The following PGM1 variants were observed in gnomAD, a reference collection of about 807,000 sequenced individuals.
PGM1 encodes the protein phosphoglucomutase-1.
A neutral mutation model predicts 55.6 loss-of-function variants in PGM1; 52 were observed. The ratio of observed to expected loss-of-function variants is 0.94; its 90% confidence interval spans 0.75 to 1.18. The LOEUF (loss-of-function observed/expected upper bound fraction) is 1.18, where lower values mean the gene tolerates loss of function less well. PGM1 is among the 50% of genes most tolerant of loss of function. PGM1 has a pLI of 0.00. For missense variants in PGM1, 724 were observed against 729.3 expected (o/e 0.99, Z 0.08); for synonymous variants, 287 against 271.7 (o/e 1.06, Z -0.55).
chr1:63,617,916 G>A (rs1271687206), intron 1 of PGM1, among the ~76,000 whole-genome samples: 1 of 151,342 alleles, frequency 6.6e-6, no homozygotes, highest in Non-Finnish European at 1.5e-5. Flanking sequence ...AAGCACCTAT[G>A]AATATTTCAA....
intron 1 of PGM1, among the ~76,000 whole-genome samples, chr1:63,603,414 A>G (rs189665571): frequency 8.5e-5 from 13 of 152,336 alleles, no homozygotes; most frequent in Non-Finnish European, 1.5e-5. Context: ...TGTAAGTCAG[A>G]GCTATTTTTC....
At chr1:63,634,670 CG>C (rs1474147195) in intron 4 of PGM1, among the ~76,000 whole-genome samples, 158 bp from the exon 5 acceptor site, 5 of 152,268 alleles carry the variant, frequency 3.3e-5, no homozygotes, top group Non-Finnish European at 7.4e-5. Context: ...TCCAGTCAGG[CG>C]TATCTCTCCA....
At chr1:63,651,896 T>A in intron 9 of PGM1, 44 bp downstream of exon 9, 1 of 1,535,350 alleles carries the variant, frequency 6.5e-7, no homozygotes. Context: ...ACCTCAGAGC[T>A]TCATCTCTGA....
chr1:63,607,101 C>T (rs574173927), intron 1 of PGM1, among the ~76,000 whole-genome samples: 15 of 152,328 alleles, frequency 9.8e-5, no homozygotes, highest in African/African-American at 3.4e-4. Context: ...AAAGAAACCC[C>T]TTACATTAGC....
At chr1:63,607,692 TTA>T (rs1648460034) in intron 1 of PGM1, among the ~76,000 whole-genome samples, 1 of 152,176 alleles carries the variant, frequency 6.6e-6, no homozygotes, top group South Asian at 2.1e-4. Flanking sequence ...ATATTTGAAC[TTA>T]TATATCCAAA....
rs571799965 is a variant in PGM1 at position 63,621,486 on chromosome 1, G to A, written c.247-7939G>A. ...ATTTTATAAATCTGGATCTATTATC[G>A]GATATGTCAAGACACACATGCCAGC... On this transcript the variant is annotated intron_variant, in intron 1 of 10. Transcript: ENST00000371084. Among the ~76,000 whole-genome samples, 42 of 152,174 alleles carry A rather than the reference G, an allele frequency of 2.8e-4. 2 individuals carry two copies. The South Asian group carries it at 6.4e-3, about 23-fold the overall frequency.
At chr1:63,626,618 G>GA (rs35219366) in intron 1 of PGM1, among the ~76,000 whole-genome samples, 87 of 150,372 alleles carry the variant, frequency 5.8e-4, no homozygotes, top group Admixed American at 7.9e-4. Context: ...GAAAAAAAAA[G>GA]AAAAAAAAAA....
In PGM1 at chr1:63,621,178, A is replaced by T. The variant is rs111454731; in HGVS notation, c.247-8247A>T. On this transcript the variant is annotated intron_variant, in intron 1 of 10. Coordinates refer to ENST00000371084, the MANE Select transcript of PGM1 (RefSeq NM_002633.3). ...TTATGTTCTTTTGGTATAGTTTTGC[A>T]TATTGACAAACACCATGCCTGGCAT... is the stretch of plus-strand genomic sequence containing the variant. Among the ~76,000 whole-genome samples, 867 of 152,214 alleles carry T rather than the reference A, an allele frequency of 5.7e-3. 5 individuals carry two copies. Among genetic ancestry groups the T allele is most frequent in the Non-Finnish European group, 9.2e-3 (624 of 68,014 alleles).
In PGM1 at chr1:63,632,403, C is replaced by CT. The variant is rs1649219935; in HGVS notation, c.682+624dup. ...CATACATCTGCCTGGTTGGAGAAGC[C>CT]TTTCTGCCTGCAACTGAACCCTTTT... On this transcript the variant is annotated intron_variant, in intron 4 of 10. Transcript: ENST00000371084. Among the ~76,000 whole-genome samples the CT allele has an allele frequency of 3.3e-5, 5 of 152,128 alleles. No individual in the cohort carries two copies. The South Asian group carries it at 1.0e-3, about 32-fold the overall frequency.
intron 1 of PGM1, among the ~76,000 whole-genome samples, chr1:63,610,138 A>C (rs1189504762): frequency 6.6e-6 from 1 of 152,246 alleles, no homozygotes; most frequent in Non-Finnish European, 1.5e-5. Context: ...ATTAATTCCA[A>C]TATATGCTAT....
intron 1 of PGM1, among the ~76,000 whole-genome samples, chr1:63,621,692 A>G (rs914320358): frequency 1.3e-5 from 2 of 152,252 alleles, no homozygotes; most frequent in South Asian, 4.1e-4. Flanking sequence ...TAAGAGCCCA[A>G]AATAAGCTAT....
chr1:63,627,482 G>C (rs1281700208), intron 1 of PGM1, among the ~76,000 whole-genome samples: 2 of 152,104 alleles, frequency 1.3e-5, no homozygotes, highest in Non-Finnish European at 2.9e-5. Context: ...TCCTGTATCA[G>C]ATCGAGAGCA....
At chr1:63,619,874 G>GA (rs1475822913) in intron 1 of PGM1, among the ~76,000 whole-genome samples, 2 of 151,820 alleles carry the variant, frequency 1.3e-5, no homozygotes, top group African/African-American at 4.8e-5. Flanking sequence ...CAGAATGTGA[G>GA]AAAAAAAATT....
chr1:63,642,601 C>T (rs751552968), intron 7 of PGM1, among the ~76,000 whole-genome samples: 22 of 152,148 alleles, frequency 1.4e-4, no homozygotes, highest in Non-Finnish European at 2.4e-4. Context: ...TGCATTTGAA[C>T]CCTTCCTCAG....
At chr1:63,623,563 C>G in intron 1 of PGM1, 1 of 1,612,754 alleles carries the variant, frequency 6.2e-7, no homozygotes, top group South Asian at 1.1e-5. Flanking sequence ...CGATCAGAAA[C>G]CAGGAACAAG....
At chr1:63,647,417 A>G (rs115728087) in intron 7 of PGM1, among the ~76,000 whole-genome samples, 5,947 of 147,978 alleles carry the variant, frequency 0.04, 391 homozygotes, top group African/African-American at 0.14. Context: ...GTTTTACACT[A>G]TAGAAATGCT....
chr1:63,593,759 G>T (rs766310348), intron 1 of PGM1, 25 bp downstream of exon 1: 32 of 1,570,588 alleles, frequency 2.0e-5, no homozygotes, highest in African/African-American at 1.4e-5. Flanking sequence ...GCCCCGCGCC[G>T]CTGTGCACCC....
Position 63,651,801 on chromosome 1 carries a change from C to T in PGM1, c.1413C>T (p.Ala471=), listed in dbSNP as rs372002881. ...ACAAAGTTTACACTGTGGAGAAGGC[C>T]GATAACTTTGAATACAGCGACCCAG... ...ANDKVYTVEK[A]DNFEYSDPVD... Residue 471 remains alanine, a synonymous_variant, in exon 9 of 11, where the codon GCC becomes GCT. Coordinates refer to ENST00000371084, the MANE Select transcript of PGM1 (RefSeq NM_002633.3). 21 of 1,613,736 alleles carry T rather than the reference C, an allele frequency of 1.3e-5. No individual in the cohort carries two copies. The highest frequency in any genetic ancestry group is 3.3e-4 in the Middle Eastern group (2 of 6,084).
rs201813332 is a variant in PGM1 at position 63,651,835 on chromosome 1, A to G, written c.1447A>G (p.Ser483Gly). 1.8e-5 allele frequency: 29 copies of G among 1,614,050 alleles called. No individual in the cohort carries two copies. The African/African-American group carries it at 2.7e-4, about 15-fold the overall frequency. The change falls in exon 9 of 11, where the codon AGC (serine) becomes GGC (glycine). Residue 483 changes from serine (S) to glycine (G), a missense_variant. By Grantham distance (56) the Ser-to-Gly change is moderately conservative. Coordinates refer to ENST00000371084, the MANE Select transcript of PGM1 (RefSeq NM_002633.3). ...TGAATACAGCGACCCAGTGGATGGA[A>G]GCATTTCAAGAAATCAGGTAGAAAC... is the stretch of plus-strand genomic sequence containing the variant. ...NFEYSDPVDG[S>G]ISRNQGLRLI...
Sources: allele counts gnomAD v4.1 joint callset (sites outside exome capture counted in the v4.1 genomes callset), GRCh38; gene constraint gnomAD v4.1.1; transcripts MANE v1.5; gene names NCBI Gene and HGNC (gene_info 2026-07-23, HGNC 2026-07-21).